The following ZPBP variants were observed in gnomAD, a reference collection of about 807,000 sequenced individuals.
ZPBP encodes zona pellucida binding protein, also known as zona pellucida-binding protein 1.
A neutral mutation model predicts 44.8 loss-of-function variants in ZPBP; 26 were observed. The observed-to-expected ratio is 0.58, with a 90% CI of 0.43 to 0.81. The LOEUF (loss-of-function observed/expected upper bound fraction) is 0.81, where lower values mean the gene tolerates loss of function less well. Ranked by LOEUF, ZPBP falls within the 30% of genes least tolerant of loss-of-function variation. The pLI is 0.00. For missense variants in ZPBP, 409 were observed against 434.0 expected (o/e 0.94, Z 0.51); for synonymous variants, 174 against 153.2 (o/e 1.14, Z -1.00).
intron 3 of ZPBP, among the ~76,000 whole-genome samples, chr7:50,064,391 T>C (rs975527618): frequency 1.3e-5 from 2 of 152,214 alleles, no homozygotes; most frequent in African/African-American, 4.8e-5. Context: ...GATAACATCT[T>C]ATCAGGAAGC....
At chr7:49,874,593 GAA>G (rs1170032924) in intron 2 of ZPBP, among the ~76,000 whole-genome samples, 3 of 152,118 alleles carry the variant, frequency 2.0e-5, no homozygotes, top group African/African-American at 2.4e-5. Flanking sequence ...TACATGGAGA[GAA>G]AGAGAGAAAT....
rs1219548595 is a variant in ZPBP, at chr7:49,981,348, TA to T, written c.961+1993del. Among the ~76,000 whole-genome samples, 9 of 16,724 alleles carry T rather than the reference TA, an allele frequency of 5.4e-4. No homozygotes were observed. The East Asian group carries it at 0.025, about 47-fold the overall frequency. 11.0% of individuals were successfully genotyped at this position (16,724 alleles called of 152,430 possible). On this transcript the variant is annotated intron_variant, in intron 7 of 7. Coordinates refer to ENST00000046087, the MANE Select transcript of ZPBP (RefSeq NM_007009.3). ...ATATATTATAATTATATATATTATA[TA>T]ATATATATTATATATAATTATATAT...
intron 7 of ZPBP, among the ~76,000 whole-genome samples, chr7:49,964,923 T>C (rs1795999702): frequency 6.6e-6 from 1 of 152,108 alleles, no homozygotes. Context: ...ACATGAACTT[T>C]GGATCTTGTC....
Position 49,992,472 on chromosome 7 carries a change from G to A in ZPBP, c.784-8953C>T, listed in dbSNP as rs550367443. ...AGTGAAATTAAAAATTAAATGGACA[G>A]CTTTAGCAGCAGATTAGACCTAAAT... On this transcript the variant is annotated intron_variant, in intron 6 of 7. Transcript: ENST00000046087. Among the ~76,000 whole-genome samples the A allele has an allele frequency of 3.9e-5, 6 of 152,108 alleles. No homozygotes were observed. In the East Asian group the frequency reaches 7.7e-4, roughly 20 times the overall value.
chr7:50,017,211 G>A (rs1798855200), intron 6 of ZPBP, among the ~76,000 whole-genome samples: 12 of 152,142 alleles, frequency 7.9e-5, no homozygotes, highest in Admixed American at 7.9e-4. Flanking sequence ...ATCTGGGGTT[G>A]ACAGGAGACA....
At chr7:49,847,789 C>T (rs1583670435), downstream of ZPBP, among the ~76,000 whole-genome samples, 1 of 152,142 alleles carries the variant, frequency 6.6e-6, no homozygotes, top group African/African-American at 2.4e-5. Flanking sequence ...TGTCTGGAAC[C>T]TGGCCCTGAT....
At chr7:50,042,154 C>T (rs528555794) in intron 4 of ZPBP, among the ~76,000 whole-genome samples, 1 of 152,234 alleles carries the variant, frequency 6.6e-6, no homozygotes, top group East Asian at 1.9e-4. Context: ...AACAAAGCCT[C>T]CAAGAAATAT....
At chr7:50,066,550 A>T (rs1343924144) in intron 3 of ZPBP, among the ~76,000 whole-genome samples, 1 of 152,252 alleles carries the variant, frequency 6.6e-6, no homozygotes, top group African/African-American at 2.4e-5. Flanking sequence ...AGCGTAGGTA[A>T]TAGAACTATG....
At chr7:49,889,667 A>T (rs1418612652) in intron 2 of ZPBP, among the ~76,000 whole-genome samples, 1 of 152,208 alleles carries the variant, frequency 6.6e-6, no homozygotes, top group African/African-American at 2.4e-5. Context: ...TTGCCCTAGG[A>T]GCTCCTCAAG....
chr7:49,915,427 C>T (rs941035700), intron 1 of ZPBP: 1 of 152,146 alleles, frequency 6.6e-6, no homozygotes, highest in Non-Finnish European at 1.5e-5. Flanking sequence ...AATTATCATG[C>T]AGTTTTAAGT....
chr7:49,978,082 T>TTTTTTG (rs1491443260), intron 7 of ZPBP, among the ~76,000 whole-genome samples: 3 of 36,274 alleles, frequency 8.3e-5, no homozygotes, highest in Non-Finnish European at 1.4e-4. Context: ...TGGTTTTTTG[T>TTTTTTG]TTTTTTTTTT....
intron 2 of ZPBP, among the ~76,000 whole-genome samples, chr7:49,889,871 G>C (rs1030623841): frequency 1.3e-5 from 2 of 152,132 alleles, no homozygotes; most frequent in African/African-American, 4.8e-5. Context: ...TTCTGAAATA[G>C]GGAGACCATC....
intron 7 of ZPBP, among the ~76,000 whole-genome samples, chr7:49,946,539 T>C (rs924791695): frequency 2.0e-5 from 3 of 152,158 alleles, no homozygotes; most frequent in Non-Finnish European, 4.4e-5. Flanking sequence ...TCCTGGCCTA[T>C]AAGGTTTCCA....
In ZPBP at chr7:49,877,505, T is replaced by C. The variant is rs1361592278; in HGVS notation, n.509+23613A>G. 7.4e-4 allele frequency among the ~76,000 whole-genome samples: 70 copies of C among 94,808 alleles called. 12 individuals carry two copies. Among genetic ancestry groups the C allele is most frequent in the Middle Eastern group, 5.0e-3 (1 of 202 alleles). The allele number at this position is 94,808 out of a possible 152,430, so 62.2% of individuals were successfully genotyped here. ...AAATATATATATATATATATATATA[T>C]ATATATATATATAGTTATTTGGTCA... On this transcript the variant is annotated intron_variant and non_coding_transcript_variant, in intron 2 of 2. Coordinates refer to the ZPBP transcript ENST00000465922.
chr7:49,931,035 T>G (rs1794426773), intron 1 of ZPBP, among the ~76,000 whole-genome samples: 1 of 152,244 alleles, frequency 6.6e-6, no homozygotes, highest in South Asian at 2.1e-4. Context: ...GGGAGAGCTC[T>G]GCTGCGCATG....
In ZPBP at chr7:50,038,533, T is replaced by A. The variant is rs115540215; in HGVS notation, c.488-7223A>T. Among the ~76,000 whole-genome samples the A allele has an allele frequency of 1.8e-3, 267 of 152,276 alleles. 1 individual carries two copies. Among genetic ancestry groups the A allele is most frequent in the African/African-American group, 6.1e-3 (255 of 41,560 alleles). On this transcript the variant is annotated intron_variant, in intron 4 of 7. Coordinates refer to ENST00000046087, the MANE Select transcript of ZPBP (RefSeq NM_007009.3). ...GAAAGCAATAGATCAATCATCTGAG[T>A]GAGTATGTTTAGGAAAAGAGACAGT...
At chr7:49,941,571 T>G (rs1212290658) in intron 7 of ZPBP, among the ~76,000 whole-genome samples, 1 of 152,054 alleles carries the variant, frequency 6.6e-6, no homozygotes, top group Non-Finnish European at 1.5e-5. Context: ...TATTTAGGCA[T>G]AAACTCAACC....
chr7:50,017,998 A>C (rs529126248), intron 6 of ZPBP, among the ~76,000 whole-genome samples: 2 of 152,246 alleles, frequency 1.3e-5, no homozygotes, highest in South Asian at 4.1e-4. Context: ...ATAAGGCAAA[A>C]CAAATAGAAA....
rs757369750 is a variant in ZPBP, at chr7:50,018,325, ATATAT to A, written c.707-14_707-10del. ...AGTGTCTAGAGATGAAACTGAGAAA[ATATAT>A]TATATTTTATCATGGGTATAATGTA... On this transcript the variant is annotated splice_polypyrimidine_tract_variant and intron_variant, in intron 5 of 7. Coordinates refer to ENST00000046087, the MANE Select transcript of ZPBP (RefSeq NM_007009.3). The A allele has an allele frequency of 2.3e-5, 37 of 1,578,982 alleles. No individual in the cohort carries two copies. Among genetic ancestry groups the A allele is most frequent in the Middle Eastern group, 2.2e-4 (1 of 4,488 alleles).
Sources: gnomAD v4.1 joint callset for allele counts (sites outside exome capture counted in the v4.1 genomes callset) on GRCh38, gnomAD v4.1.1 for gene constraint, MANE v1.5 for transcripts, NCBI Gene and HGNC (gene_info 2026-07-23, HGNC 2026-07-21) for gene names.